FRYL: variants seen among roughly 807,000 people sequenced by gnomAD.
The protein encoded by FRYL is FRY like transcription coactivator.
FRYL carries 150 observed loss-of-function variants against 351.2 expected under a neutral mutation model. The observed-to-expected ratio is 0.43, with a 90% CI of 0.37 to 0.49. FRYL has a LOEUF of 0.49. Ranked by LOEUF, FRYL falls within the 20% of genes least tolerant of loss-of-function variation. FRYL has a pLI of 0.00. For missense variants in FRYL, 3,036 were observed against 3,619.3 expected (o/e 0.84, Z 4.13); for synonymous variants, 1,153 against 1,257.1 (o/e 0.92, Z 1.75).
chr4:48,586,184 C>T (rs1257773522), intron 19 of FRYL, among the ~76,000 whole-genome samples: 2 of 152,086 alleles, frequency 1.3e-5, no homozygotes, highest in African/African-American at 4.8e-5. Context: ...AACTTAAATG[C>T]CACAGTTCTG....
At chr4:48,575,615 T>A (rs1400999545) in intron 24 of FRYL, among the ~76,000 whole-genome samples, 4 of 152,262 alleles carry the variant, frequency 2.6e-5, no homozygotes, top group African/African-American at 4.8e-5. Context: ...GTCATTTTCA[T>A]GAAAACTAAA....
chr4:48,697,915 T>A (rs1766356276), intron 2 of FRYL, among the ~76,000 whole-genome samples: 1 of 152,226 alleles, frequency 6.6e-6, no homozygotes, highest in African/African-American at 2.4e-5. Flanking sequence ...ATTAAAGACC[T>A]GTTAGTGATC....
At position 48,540,360 on chromosome 4, in the gene FRYL, T is replaced by G. The variant is rs759967662; in HGVS notation, c.6288A>C (p.Gln2096His). 1 of 1,611,786 alleles carries G rather than the reference T, an allele frequency of 6.2e-7. No homozygotes were observed. The highest frequency in any genetic ancestry group is 1.1e-5 in the South Asian group (1 of 90,956). ...VSKHTLVDPSQLSGFPLNILC... is the reference protein window; with the variant it reads ...VSKHTLVDPSHLSGFPLNILC... ...CAATTATATTAACATCACCTGACAATTGGGAAGGATCCACCAATGTATGTT... is the reference window on the plus strand; with the variant it reads ...CAATTATATTAACATCACCTGACAAGTGGGAAGGATCCACCAATGTATGTT... Residue 2096 changes from glutamine to histidine, a missense_variant, in exon 46 of 64, where the codon CAA becomes CAC. Coordinates refer to ENST00000358350, the MANE Select transcript of FRYL (RefSeq NM_015030.2).
At chr4:48,751,379 G>A (rs1342805081) in intron 1 of FRYL, among the ~76,000 whole-genome samples, 1 of 152,198 alleles carries the variant, frequency 6.6e-6, no homozygotes, top group Admixed American at 6.5e-5. Flanking sequence ...AGAAGACAGA[G>A]AGCACTGTCT....
At chr4:48,575,372 T>C (rs1406080738) in intron 24 of FRYL, 131 bp from the exon 25 acceptor site, 15 of 929,360 alleles carry the variant, frequency 1.6e-5, no homozygotes, top group Non-Finnish European at 2.1e-5. Flanking sequence ...ATACCTCAAA[T>C]TTCACCTGGG....
chr4:48,700,359 G>GT (rs1032463442), intron 2 of FRYL, among the ~76,000 whole-genome samples: 2 of 151,998 alleles, frequency 1.3e-5, no homozygotes, highest in Admixed American at 1.3e-4. Flanking sequence ...ACCTCATCAG[G>GT]TTTTTTTCAC....
chr4:48,595,119 T>C (rs879385435), intron 15 of FRYL, among the ~76,000 whole-genome samples: 1 of 152,216 alleles, frequency 6.6e-6, no homozygotes, highest in Non-Finnish European at 1.5e-5. Context: ...CCACATGTGG[T>C]GACTTCCTTG....
chr4:48,723,228 G>A (rs571386516), intron 1 of FRYL, among the ~76,000 whole-genome samples: 49 of 151,986 alleles, frequency 3.2e-4, no homozygotes, highest in South Asian at 1.2e-3. Context: ...CTGCAGCCTC[G>A]ACCTCCTGGG....
Position 48,550,068 on chromosome 4 carries a change from A to C in FRYL, c.4634-445T>G, listed in dbSNP as rs77862818. On this transcript the variant is annotated intron_variant, in intron 38 of 63. Coordinates refer to ENST00000358350, the MANE Select transcript of FRYL (RefSeq NM_015030.2). Reference sequence around the variant, plus strand: ...GCAATAAAAAATGTCAGGAAATGTGAATTCTGTGTGACGTGGGTAAGTCAC... The same window carrying C: ...GCAATAAAAAATGTCAGGAAATGTGCATTCTGTGTGACGTGGGTAAGTCAC... Among the ~76,000 whole-genome samples the C allele has an allele frequency of 5.3e-3, 802 of 152,272 alleles. 13 individuals carry two copies. The highest frequency in any genetic ancestry group is 0.018 in the African/African-American group (767 of 41,550).
chr4:48,579,165 T>C lies in FRYL; in HGVS notation c.2336A>G (p.Gln779Arg). ...ATGTGATGGACTAATCACATCAAAC[T>C]GGTGGCTAATAGGAGAAGAGTTCCA... ...AEWNSSPISH[Q>R]FDVISPSHIW... is the part of the protein sequence containing the mutation. Residue 779 changes from glutamine to arginine, a missense_variant, in exon 23 of 64, where the codon CAG becomes CGG. By Grantham distance (43) the Gln-to-Arg change is conservative. This residue lies in a region of FRYL where 492 missense variants were observed against 551.5 expected (regional missense o/e 0.89). Transcript: ENST00000358350. 1 of 1,613,746 alleles carries C rather than the reference T, an allele frequency of 6.2e-7. No individual in the cohort carries two copies. The highest frequency in any genetic ancestry group is 8.5e-7 in the Non-Finnish European group (1 of 1,179,664).
chr4:48,528,274 T>G lies in FRYL; in HGVS notation c.6966A>C (p.Pro2322=). ...TACTTCTAGTGACAGCAATAACTTT[T>G]GGTTTCCCATTTCTTCCAGCCGCAC... The part of the protein sequence containing the change: ...QHSAAGRNGK[P]KVIAVTRSTS... Residue 2322 remains proline, a synonymous_variant, in exon 51 of 64, where the codon CCA becomes CCC. Transcript: ENST00000358350. 1 of 1,613,480 alleles carries G rather than the reference T, an allele frequency of 6.2e-7. No homozygotes were observed. The highest frequency in any genetic ancestry group is 8.5e-7 in the Non-Finnish European group (1 of 1,179,572).
intron 1 of FRYL, among the ~76,000 whole-genome samples, chr4:48,745,303 C>G (rs551584779): frequency 6.6e-6 from 1 of 152,108 alleles, no homozygotes; most frequent in Non-Finnish European, 1.5e-5. Flanking sequence ...CACATGCACA[C>G]GTATGTTTAT....
Position 48,547,789 on chromosome 4 carries a change from A to C in FRYL, c.4889-20T>G, listed in dbSNP as rs780334063. On this transcript the variant is annotated intron_variant, in intron 40 of 63. Coordinates refer to ENST00000358350, the MANE Select transcript of FRYL (RefSeq NM_015030.2). ...CAAACCCTAAAAAGGATAGTAGAGA[A>C]ACATTATCAATAAAGAGAAATAATG... 41 of 1,384,868 alleles carry C rather than the reference A, an allele frequency of 3.0e-5. No homozygotes were observed. Among genetic ancestry groups the C allele is most frequent in the Non-Finnish European group, 9.6e-7 (1 of 1,046,988 alleles). The allele number at this position is 1,384,868 out of a possible 1,614,324, so 85.8% of individuals were successfully genotyped here.
chr4:48,507,980 T>A (rs1043074359), intron 59 of FRYL, among the ~76,000 whole-genome samples: 5 of 152,096 alleles, frequency 3.3e-5, no homozygotes, highest in Non-Finnish European at 7.4e-5. Context: ...CAGTCTTGAA[T>A]AATAATAAAA....
intron 3 of FRYL, among the ~76,000 whole-genome samples, chr4:48,669,240 A>C (rs1762250625): frequency 6.6e-6 from 1 of 152,168 alleles, no homozygotes; most frequent in Non-Finnish European, 1.5e-5. Context: ...AGCTGTGATC[A>C]TCAAAACAGT....
At chr4:48,755,110 C>T (rs1026401090) in intron 1 of FRYL, among the ~76,000 whole-genome samples, 9 of 152,112 alleles carry the variant, frequency 5.9e-5, no homozygotes, top group African/African-American at 2.2e-4. Context: ...ATCTGGTAGT[C>T]ACATGTTATA....
At chr4:48,572,753 G>A (rs1235326998) in intron 26 of FRYL, among the ~76,000 whole-genome samples, 1 of 152,204 alleles carries the variant, frequency 6.6e-6, no homozygotes, top group Non-Finnish European at 1.5e-5. Flanking sequence ...GCTCAGTCTT[G>A]TGAAACTACA....
At chr4:48,727,285 A>G (rs2149619007) in intron 1 of FRYL, 1 of 152,362 alleles carries the variant, frequency 6.6e-6, no homozygotes, top group African/African-American at 2.4e-5. Flanking sequence ...TCACTCCAAA[A>G]TAAGTAAAAA....
chr4:48,731,850 A>G (rs1009080055), intron 1 of FRYL, among the ~76,000 whole-genome samples: 1 of 152,254 alleles, frequency 6.6e-6, no homozygotes, highest in African/African-American at 2.4e-5. Flanking sequence ...AACCTGGGCA[A>G]TACCATTCAG....
Sources: allele counts gnomAD v4.1 joint callset (sites outside exome capture counted in the v4.1 genomes callset), GRCh38; gene constraint gnomAD v4.1.1; regional missense constraint gnomAD v4.1.1; transcripts MANE v1.5; gene names NCBI Gene and HGNC (gene_info 2026-07-23, HGNC 2026-07-21).